SCAPER: variants seen among roughly 807,000 people sequenced by gnomAD.
SCAPER encodes S phase cyclin A-associated protein in the endoplasmic reticulum.
Under a neutral mutation model 182.2 loss-of-function variants are expected in SCAPER, and 98 were observed. That is an observed-to-expected ratio of 0.54 (90% CI 0.46 to 0.64). The LOEUF (loss-of-function observed/expected upper bound fraction) is 0.64. SCAPER is among the 30% of genes least tolerant of loss of function. The pLI is 0.00. For synonymous variants in SCAPER, 605 were observed against 564.6 expected, an observed-to-expected ratio of 1.07 and a Z score of -1.01; for missense variants, 1,432 against 1,690.0, an observed-to-expected ratio of 0.85 and a Z score of 2.68.
intron 17 of SCAPER, among the ~76,000 whole-genome samples, chr15:76,726,789 C>T (rs2060622688): frequency 6.6e-6 from 1 of 151,960 alleles, no homozygotes; most frequent in African/African-American, 2.4e-5. Flanking sequence ...CAGTCACATT[C>T]ATAGAAACAG....
chr15:76,577,714 G>A (rs751750776), intron 22 of SCAPER, among the ~76,000 whole-genome samples: 100 of 152,200 alleles, frequency 6.6e-4, no homozygotes, highest in Admixed American at 6.5e-4. Flanking sequence ...GGAAGCACTC[G>A]CCAAGGGCCT....
At position 76,607,798 on chromosome 15, in the gene SCAPER, G is replaced by A. The variant is rs148881701; in HGVS notation, c.2711+13966C>T. 8.1e-3 allele frequency among the ~76,000 whole-genome samples: 1,239 copies of A among 152,176 alleles called. 13 individuals are homozygous for A. Among genetic ancestry groups the A allele is most frequent in the African/African-American group, 0.028 (1,175 of 41,492 alleles). ...TCCATCGCTGATACCCTTTCTTCCAGTTGATCGCATCGGCTACTGAGGCTT... is the reference window on the plus strand; with the variant it reads ...TCCATCGCTGATACCCTTTCTTCCAATTGATCGCATCGGCTACTGAGGCTT... On this transcript the variant is annotated intron_variant, in intron 22 of 31. Coordinates refer to ENST00000563290, the MANE Select transcript of SCAPER (RefSeq NM_020843.4).
intron 17 of SCAPER, among the ~76,000 whole-genome samples, chr15:76,723,916 A>G (rs1251911476): frequency 6.6e-6 from 1 of 152,172 alleles, no homozygotes; most frequent in Non-Finnish European, 1.5e-5. Flanking sequence ...CATTTAGCCC[A>G]TTTACATTTA....
At chr15:76,541,830 T>C (rs1443207759) in intron 23 of SCAPER, among the ~76,000 whole-genome samples, 1 of 152,174 alleles carries the variant, frequency 6.6e-6, no homozygotes, top group Non-Finnish European at 1.5e-5. Context: ...TAGAAACATA[T>C]ATGATAAAAA....
At chr15:76,531,577 A>C (rs2144553746) in intron 23 of SCAPER, among the ~76,000 whole-genome samples, 1 of 152,262 alleles carries the variant, frequency 6.6e-6, no homozygotes. Flanking sequence ...CATGTGCCTC[A>C]GTTTCCTCAT....
intron 14 of SCAPER, among the ~76,000 whole-genome samples, chr15:76,762,119 C>T (rs1251844888): frequency 1.3e-5 from 2 of 152,150 alleles, no homozygotes; most frequent in African/African-American, 4.8e-5. Context: ...TTACAATTTA[C>T]ATGGAATAAG....
chr15:76,634,402 T>G (rs1379728673), intron 21 of SCAPER, among the ~76,000 whole-genome samples: 1 of 152,128 alleles, frequency 6.6e-6, no homozygotes, highest in Non-Finnish European at 1.5e-5. Flanking sequence ...AGCTGCAGAG[T>G]GGAGCTGTTT....
chr15:76,836,567 A>G (rs1005810780), intron 5 of SCAPER, among the ~76,000 whole-genome samples: 1 of 152,138 alleles, frequency 6.6e-6, no homozygotes, highest in Non-Finnish European at 1.5e-5. Flanking sequence ...AATCAACTCA[A>G]AATGGATTTA....
At chr15:76,865,157 T>G (rs1267915234) in intron 2 of SCAPER, among the ~76,000 whole-genome samples, 1 of 152,084 alleles carries the variant, frequency 6.6e-6, no homozygotes, top group Non-Finnish European at 1.5e-5. Context: ...GAAAAAGATA[T>G]AAGCCCAATT....
intron 23 of SCAPER, among the ~76,000 whole-genome samples, chr15:76,542,893 C>T (rs897838241): frequency 8.6e-5 from 13 of 152,046 alleles, no homozygotes; most frequent in East Asian, 1.9e-4. Context: ...ATATTTTCCT[C>T]GTAAAATGCC....
At chr15:76,423,758 G>C (rs956153730) in intron 26 of SCAPER, among the ~76,000 whole-genome samples, 6 of 152,180 alleles carry the variant, frequency 3.9e-5, no homozygotes, top group African/African-American at 1.4e-4. Flanking sequence ...TGGGCATTCA[G>C]TGCTATAAAT....
intron 30 of SCAPER, 142 bp downstream of exon 30, chr15:76,353,807 A>C (rs982206522): frequency 1.6e-6 from 1 of 642,344 alleles, no homozygotes; most frequent in African/African-American, 1.9e-5. Flanking sequence ...GATATTTTAG[A>C]AATCAATTTT....
intron 25 of SCAPER, among the ~76,000 whole-genome samples, chr15:76,462,096 T>C (rs2049231262): frequency 6.6e-6 from 1 of 152,186 alleles, no homozygotes; most frequent in African/African-American, 2.4e-5. Flanking sequence ...TTGCCCTGAA[T>C]TCTGTCCTCT....
intron 17 of SCAPER, among the ~76,000 whole-genome samples, chr15:76,723,943 G>C (rs923612113): frequency 6.6e-6 from 1 of 152,166 alleles, no homozygotes; most frequent in African/African-American, 2.4e-5. Context: ...GTATTGTTAC[G>C]TGTGAATTTG....
intron 4 of SCAPER, among the ~76,000 whole-genome samples, chr15:76,851,954 T>C (rs182583391): frequency 4.6e-4 from 70 of 151,640 alleles, no homozygotes; most frequent in Non-Finnish European, 7.7e-4. Context: ...ATATCACACA[T>C]AGAGACATGC....
chr15:76,392,985 T>G (rs898819868), intron 27 of SCAPER, among the ~76,000 whole-genome samples: 1 of 152,188 alleles, frequency 6.6e-6, no homozygotes, highest in African/African-American at 2.4e-5. Flanking sequence ...CCCTACGAGC[T>G]GGGGCCCAGC....
At position 76,702,899 on chromosome 15, in the gene SCAPER, T is replaced by A. The variant is rs778552490; in HGVS notation, c.2351A>T (p.Lys784Ile). ...CTTCTTTCTTTCATAAGGGGTCAGT[T>A]TGGGGGCATAATCAGTATTTGCATG... ...GRHANTDYAP[K>I]LTPYERKKQC... Residue 784 changes from lysine (K) to isoleucine (I), a missense_variant, in exon 19 of 32, where the codon AAA becomes ATA. Lys to Ile is a moderately radical substitution (Grantham distance 102). Around this residue, in one of 5 missense-constraint regions of SCAPER, gnomAD observed 718 missense variants for 799.7 expected, o/e 0.90. Coordinates refer to ENST00000563290, the MANE Select transcript of SCAPER (RefSeq NM_020843.4). 1 of 1,610,558 alleles carries A rather than the reference T, an allele frequency of 6.2e-7. No individual in the cohort carries two copies. The highest frequency in any genetic ancestry group is 1.3e-5 in the African/African-American group (1 of 74,792).
chr15:76,832,572 G>A (rs2151722915), intron 5 of SCAPER, among the ~76,000 whole-genome samples: 1 of 152,318 alleles, frequency 6.6e-6, no homozygotes, highest in South Asian at 2.1e-4. Context: ...TTATACGGTT[G>A]GATCGGTGTC....
At chr15:76,764,154 G>A (rs973554866) in intron 14 of SCAPER, among the ~76,000 whole-genome samples, 2 of 152,200 alleles carry the variant, frequency 1.3e-5, no homozygotes, top group African/African-American at 2.4e-5. Flanking sequence ...GGGAATGCAG[G>A]AGCATACTGT....
Sources: gnomAD v4.1 joint callset for allele counts (sites outside exome capture counted in the v4.1 genomes callset) on GRCh38, gnomAD v4.1.1 for gene constraint, gnomAD v4.1.1 regional missense constraint, MANE v1.5 for transcripts, NCBI Gene and HGNC (gene_info 2026-07-23, HGNC 2026-07-21) for gene names.